Variants in TOLLIP observed in about 807,000 individuals in gnomAD.
TOLLIP encodes the protein toll interacting protein, also known as toll-interacting protein.
In TOLLIP, 16 loss-of-function variants were observed where a neutral mutation model predicts 33.5. That is an observed-to-expected ratio of 0.48 (90% CI 0.32 to 0.72). The LOEUF is 0.72. TOLLIP is among the 30% of genes least tolerant of loss of function. The pLI, the probability that TOLLIP is intolerant of heterozygous loss-of-function variation, is 0.03. For synonymous variants in TOLLIP, 176 were observed against 163.7 expected (o/e 1.07, Z -0.57); for missense variants, 325 against 396.6 (o/e 0.82, Z 1.53).
At chr11:1,280,844 G>A (rs1191961962) in intron 5 of TOLLIP, among the ~76,000 whole-genome samples, 1 of 152,220 alleles carries the variant, frequency 6.6e-6, no homozygotes, top group Non-Finnish European at 1.5e-5. Context: ...ACCCCTGGCA[G>A]TGGCTGCAGC....
chr11:1,296,286 A>G (rs541568331), intron 1 of TOLLIP, among the ~76,000 whole-genome samples: 1 of 152,366 alleles, frequency 6.6e-6, no homozygotes, highest in South Asian at 2.1e-4. Flanking sequence ...CTGAAATTCA[A>G]AAGTATCCCA....
chr11:1,295,345 C>T lies in TOLLIP; in HGVS notation c.183+300G>A, dbSNP rs543414100. Reference sequence around the variant, plus strand: ...CGGCCGCGCCTCCTCCAGCTGCCGGCGGGGGTCCGGGAGGTGTCCTTGGGC... The same window carrying T: ...CGGCCGCGCCTCCTCCAGCTGCCGGTGGGGGTCCGGGAGGTGTCCTTGGGC... On this transcript the variant is annotated intron_variant, in intron 2 of 5. Coordinates refer to ENST00000317204, the MANE Select transcript of TOLLIP (RefSeq NM_019009.4). The T allele has an allele frequency of 2.0e-4, 55 of 274,210 alleles. No individual in the cohort carries two copies. In the South Asian group the frequency reaches 2.6e-3, roughly 13 times the overall value. The allele number at this position is 274,210 out of a possible 1,614,324, so 17.0% of individuals were successfully genotyped here. A position where few individuals can be genotyped will look rare whatever the true frequency, so the allele number is the denominator to read the frequency against.
chr11:1,288,496 C>T (rs143888433), intron 4 of TOLLIP, 128 bp downstream of exon 4: 23 of 1,195,842 alleles, frequency 1.9e-5, no homozygotes, highest in Non-Finnish European at 2.3e-5. Flanking sequence ...GTCCTCAGAA[C>T]GTGAGCCCTG....
chr11:1,299,126 C>T (rs551331757), intron 1 of TOLLIP, among the ~76,000 whole-genome samples: 1 of 152,342 alleles, frequency 6.6e-6, no homozygotes. Context: ...GGGTGAGACA[C>T]ACAGGACCTC....
chr11:1,284,494 G>A (rs1400702038), intron 5 of TOLLIP, among the ~76,000 whole-genome samples: 1 of 152,058 alleles, frequency 6.6e-6, no homozygotes, highest in Admixed American at 6.5e-5. Context: ...GACTACAGGC[G>A]CCCACCACCG....
In TOLLIP at chr11:1,282,938, A is replaced by T. The variant is rs575547280; in HGVS notation, c.610+3064T>A. Among the ~76,000 whole-genome samples, 6 of 151,982 alleles carry T rather than the reference A, an allele frequency of 3.9e-5. No homozygotes were observed. The East Asian group carries it at 1.2e-3, about 29-fold the overall frequency. On this transcript the variant is annotated intron_variant, in intron 5 of 5. Transcript: ENST00000317204. ...GTACCCTAAAACTTAAAATATAATT[A>T]AAATAAATAAATAAATAAATAAAAT... is the stretch of plus-strand genomic sequence containing the variant.
chr11:1,292,245 C>T (rs1349551208), intron 2 of TOLLIP: 2 of 152,234 alleles, frequency 1.3e-5, no homozygotes, highest in Non-Finnish European at 2.9e-5. Context: ...TAGCAACTGC[C>T]CTATTTTCTG....
intron 2 of TOLLIP, among the ~76,000 whole-genome samples, chr11:1,293,913 T>C (rs1864027871): frequency 1.3e-5 from 2 of 152,246 alleles, no homozygotes; most frequent in South Asian, 4.1e-4. Context: ...CAGTAACAGC[T>C]GCACAAGCAA....
At chr11:1,307,591 G>A (rs1159499610) in intron 1 of TOLLIP, among the ~76,000 whole-genome samples, 1 of 152,206 alleles carries the variant, frequency 6.6e-6, no homozygotes, top group African/African-American at 2.4e-5. Context: ...GCAAGGAAGG[G>A]GCCATCCTGC....
chr11:1,286,786 G>T (rs893813984), intron 4 of TOLLIP, among the ~76,000 whole-genome samples: 1 of 149,820 alleles, frequency 6.7e-6, no homozygotes, highest in Non-Finnish European at 1.5e-5. Flanking sequence ...CACTGCTGTT[G>T]TCTCTGAGTT....
chr11:1,295,843 A>G, intron 1 of TOLLIP, 49 bp from the exon 2 acceptor site: 1 of 1,503,480 alleles, frequency 6.7e-7, no homozygotes, highest in Non-Finnish European at 8.9e-7. Context: ...TGGGGGCACA[A>G]AGCAGCCCGA....
intron 5 of TOLLIP, among the ~76,000 whole-genome samples, chr11:1,283,763 C>G (rs907787030): frequency 2.0e-5 from 3 of 152,198 alleles, no homozygotes; most frequent in African/African-American, 7.2e-5. Flanking sequence ...TACACCCTGG[C>G]GCTGTATCCA....
chr11:1,275,146 G>A lies in TOLLIP; in HGVS notation c.*1893C>T, dbSNP rs1463461147. 1 of 152,230 alleles carries A rather than the reference G, an allele frequency of 6.6e-6. No individual in the cohort carries two copies. Among genetic ancestry groups the A allele is most frequent in the Non-Finnish European group, 1.5e-5 (1 of 68,030 alleles). 9.4% of individuals were successfully genotyped at this position (152,230 alleles called of 1,614,324 possible). ...CTCCAGCGAGGCTGGCCCCCACTGTGTGGGTCCCTCGGGCCCCCACACGGG... is the reference window on the plus strand; with the variant it reads ...CTCCAGCGAGGCTGGCCCCCACTGTATGGGTCCCTCGGGCCCCCACACGGG... On this transcript the variant is annotated 3_prime_UTR_variant, in exon 6 of 6. Transcript: ENST00000317204.
At chr11:1,289,795 G>A (rs1032188511) in intron 3 of TOLLIP, among the ~76,000 whole-genome samples, 8 of 151,352 alleles carry the variant, frequency 5.3e-5, no homozygotes, top group Non-Finnish European at 8.8e-5. Context: ...ACCTGCTGGT[G>A]AGCGGCCAGA....
rs148370374 is a variant in TOLLIP at position 1,287,850 on chromosome 11, T to C, written c.519+774A>G. Among the ~76,000 whole-genome samples the C allele has an allele frequency of 5.0e-3, 396 of 78,694 alleles. 57 individuals are homozygous for C. Among genetic ancestry groups the C allele is most frequent in the East Asian group, 0.01 (28 of 2,768 alleles). The allele number at this position is 78,694 out of a possible 152,430, so 51.6% of individuals were successfully genotyped here. On this transcript the variant is annotated intron_variant, in intron 4 of 5. Coordinates refer to ENST00000317204, the MANE Select transcript of TOLLIP (RefSeq NM_019009.4). ...CGCACCCTCCCCGCCGCAGCCTCCC[T>C]GCCGCACCCTCTCTGCTGCAGCCTC...
intron 1 of TOLLIP, among the ~76,000 whole-genome samples, chr11:1,305,617 A>T (rs796997564): frequency 1.2e-4 from 18 of 152,346 alleles, no homozygotes; most frequent in African/African-American, 4.1e-4. Context: ...TAAAGTTCAG[A>T]AACTACCCTC....
intron 1 of TOLLIP, among the ~76,000 whole-genome samples, chr11:1,304,458 C>T (rs1172294700): frequency 6.6e-6 from 1 of 152,214 alleles, no homozygotes; most frequent in Non-Finnish European, 1.5e-5. Context: ...TCTAAACAAG[C>T]GCTGACTCGA....
intron 5 of TOLLIP, among the ~76,000 whole-genome samples, chr11:1,281,185 T>TA (rs1026293335): frequency 7.9e-5 from 12 of 152,190 alleles, no homozygotes; most frequent in Non-Finnish European, 1.8e-4. Context: ...ATACTTTGTT[T>TA]AAAAAAATCA....
At position 1,274,795 on chromosome 11, in the gene TOLLIP, C is replaced by A. The variant is rs1863232404; in HGVS notation, c.*2244G>T. The stretch of plus-strand genomic sequence containing the variant: ...CAGCTCCCAAACCCACTGCAGCCTC[C>A]CCTTGTGAGCTGGCAGACAAGCCTG... On this transcript the variant is annotated 3_prime_UTR_variant, in exon 6 of 6. Coordinates refer to ENST00000317204, the MANE Select transcript of TOLLIP (RefSeq NM_019009.4). 1 of 152,214 alleles carries A rather than the reference C, an allele frequency of 6.6e-6. No individual in the cohort carries two copies. The highest frequency in any genetic ancestry group is 2.4e-5 in the African/African-American group (1 of 41,442). 9.4% of individuals were successfully genotyped at this position (152,214 alleles called of 1,614,324 possible).
Sources: allele counts gnomAD v4.1 joint callset (sites outside exome capture counted in the v4.1 genomes callset), GRCh38; gene constraint gnomAD v4.1.1; transcripts MANE v1.5; gene names NCBI Gene and HGNC (gene_info 2026-07-23, HGNC 2026-07-21).